The following YTHDF2 variants were observed in gnomAD, a reference collection of about 807,000 sequenced individuals.
YTHDF2 encodes YTH N6-methyladenosine RNA binding protein F2.
In YTHDF2, 2 loss-of-function variants were observed where a neutral mutation model predicts 50.4. That is an observed-to-expected ratio of 0.04 (90% CI 0.02 to 0.12). YTHDF2 has a LOEUF of 0.12. YTHDF2 is among the 10% of genes least tolerant of loss of function. The pLI is 1.00. For missense variants in YTHDF2, 483 were observed against 722.6 expected (o/e 0.67, Z 3.80); for synonymous variants, 217 against 255.6 (o/e 0.85, Z 1.44).
chr1:28,755,348 A>G (rs916535280), intron 4 of YTHDF2, among the ~76,000 whole-genome samples: 1 of 152,230 alleles, frequency 6.6e-6, no homozygotes, highest in Non-Finnish European at 1.5e-5. Flanking sequence ...TTCTTGTAAT[A>G]AGAATGGCTA....
Position 28,741,750 on chromosome 1 carries a change from G to A in YTHDF2, c.133-653G>A, listed in dbSNP as rs78912282. On this transcript the variant is annotated intron_variant, in intron 3 of 4. Coordinates refer to ENST00000373812, the MANE Select transcript of YTHDF2 (RefSeq NM_016258.3). Reference sequence around the variant, plus strand: ...GCTTTTTGGTTTATGATTGAGGAACGGCTGTACAGACATTTGGGCTAGAAC... The same window carrying A: ...GCTTTTTGGTTTATGATTGAGGAACAGCTGTACAGACATTTGGGCTAGAAC... Among the ~76,000 whole-genome samples the A allele has an allele frequency of 3.6e-3, 541 of 152,258 alleles. 2 individuals are homozygous for A. Among genetic ancestry groups the A allele is most frequent in the African/African-American group, 0.012 (512 of 41,542 alleles).
At chr1:28,740,075 C>T (rs1240774802) in intron 3 of YTHDF2, among the ~76,000 whole-genome samples, 3 of 152,148 alleles carry the variant, frequency 2.0e-5, no homozygotes. Flanking sequence ...AAATTTTCAA[C>T]ACTGAAAGTA....
At chr1:28,738,810 A>G (rs998359490) in intron 3 of YTHDF2, among the ~76,000 whole-genome samples, 5 of 152,046 alleles carry the variant, frequency 3.3e-5, no homozygotes, top group Admixed American at 3.3e-4. Context: ...CTGAGGGTTC[A>G]CCTCCTTAAT....
chr1:28,749,927 T>C (rs537906130), intron 4 of YTHDF2, among the ~76,000 whole-genome samples: 6 of 152,074 alleles, frequency 3.9e-5, no homozygotes, highest in Non-Finnish European at 8.8e-5. Context: ...ACCAGTAGGA[T>C]TTTTTGACTT....
intron 4 of YTHDF2, among the ~76,000 whole-genome samples, chr1:28,745,250 A>G (rs1172175431): frequency 6.6e-6 from 1 of 152,154 alleles, no homozygotes; most frequent in Non-Finnish European, 1.5e-5. Flanking sequence ...CATAGTTGTT[A>G]AAGTAGGGAT....
chr1:28,758,191 C>A (rs2088063166), intron 4 of YTHDF2, among the ~76,000 whole-genome samples: 3 of 152,128 alleles, frequency 2.0e-5, no homozygotes. Context: ...TGGAGACCAG[C>A]ATGGGCAAGC....
chr1:28,755,650 G>A (rs1359500722), intron 4 of YTHDF2, among the ~76,000 whole-genome samples: 1 of 152,112 alleles, frequency 6.6e-6, no homozygotes, highest in Non-Finnish European at 1.5e-5. Flanking sequence ...AATAAAGAGG[G>A]AGCAAGTGAA....
At chr1:28,745,273 A>G (rs1334650156) in intron 4 of YTHDF2, among the ~76,000 whole-genome samples, 5 of 152,158 alleles carry the variant, frequency 3.3e-5, no homozygotes, top group Non-Finnish European at 5.9e-5. Context: ...TTGCTATTTT[A>G]TCTTTCAGTG....
intron 4 of YTHDF2, among the ~76,000 whole-genome samples, chr1:28,750,576 A>C (rs2087935814): frequency 6.6e-6 from 1 of 152,152 alleles, no homozygotes; most frequent in African/African-American, 2.4e-5. Context: ...CCTTTGAAAC[A>C]GATCTTTTTA....
At chr1:28,751,110 A>AAAAAAAAAAAAT (rs1553144757) in intron 4 of YTHDF2, among the ~76,000 whole-genome samples, 1 of 144,498 alleles carries the variant, frequency 6.9e-6, no homozygotes, top group Non-Finnish European at 1.5e-5. Context: ...AAAAAAAAAA[A>AAAAAAAAAAAAT]GGCTGGGCGT....
chr1:28,760,547 G>A (rs1438780627), intron 4 of YTHDF2, among the ~76,000 whole-genome samples: 1 of 151,134 alleles, frequency 6.6e-6, no homozygotes, highest in Non-Finnish European at 1.5e-5. Flanking sequence ...CACCTGCCTC[G>A]GCCTCCCATG....
At chr1:28,766,943 C>T (rs1041296384) in intron 4 of YTHDF2, among the ~76,000 whole-genome samples, 2 of 151,672 alleles carry the variant, frequency 1.3e-5, no homozygotes, top group Admixed American at 1.3e-4. Context: ...AGCCATCCTC[C>T]CAGCTCACCC....
At chr1:28,747,758 G>A (rs983126603) in intron 4 of YTHDF2, among the ~76,000 whole-genome samples, 3 of 150,888 alleles carry the variant, frequency 2.0e-5, no homozygotes, top group Non-Finnish European at 4.4e-5. Flanking sequence ...GTTCTCAGCC[G>A]GTGAGCAAAC....
At chr1:28,753,444 A>T (rs1486764166) in intron 4 of YTHDF2, among the ~76,000 whole-genome samples, 1 of 142,984 alleles carries the variant, frequency 7.0e-6, no homozygotes, top group African/African-American at 2.5e-5. Context: ...GTTGCTCAGG[A>T]GGCTGAGACA....
At chr1:28,754,231 T>C (rs1173641816) in intron 4 of YTHDF2, among the ~76,000 whole-genome samples, 1 of 152,162 alleles carries the variant, frequency 6.6e-6, no homozygotes, top group Non-Finnish European at 1.5e-5. Flanking sequence ...AAGCAACTTA[T>C]CAAAACATCT....
Position 28,737,085 on chromosome 1 carries a change from T to TTCGCCGCCG in YTHDF2, c.-27_-19dup, listed in dbSNP as rs1215091863. On this transcript the variant is annotated 5_prime_UTR_variant, in exon 1 of 5. Coordinates refer to ENST00000373812, the MANE Select transcript of YTHDF2 (RefSeq NM_016258.3). ...GCCGCCGCCGCCGCGCTGAGGAGAGTTCGCCGCCGTCGCCGCCCGTGAGGA... is the reference window on the plus strand; with the variant it reads ...GCCGCCGCCGCCGCGCTGAGGAGAGTTCGCCGCCGTCGCCGCCGTCGCCGCCCGTGAGGA... The TTCGCCGCCG allele has an allele frequency of 2.5e-6, 4 of 1,582,282 alleles. No individual in the cohort carries two copies. Among genetic ancestry groups the TTCGCCGCCG allele is most frequent in the Admixed American group, 3.6e-5 (2 of 56,236 alleles).
intron 4 of YTHDF2, among the ~76,000 whole-genome samples, chr1:28,763,950 T>G (rs1332651485): frequency 1.1e-5 from 1 of 93,354 alleles, no homozygotes; most frequent in Non-Finnish European, 2.3e-5. Context: ...TTAAATTTAT[T>G]TATTTTATTT....
chr1:28,748,439 C>A (rs1557544046), intron 4 of YTHDF2, among the ~76,000 whole-genome samples: 1 of 152,056 alleles, frequency 6.6e-6, no homozygotes, highest in East Asian at 1.9e-4. Context: ...GGGTGGTAAC[C>A]CCATAAAGAA....
intron 2 of YTHDF2, 65 bp from the exon 3 acceptor site, chr1:28,738,194 A>T (rs893593384): frequency 1.5e-6 from 2 of 1,325,278 alleles, no homozygotes; most frequent in Non-Finnish European, 2.2e-6. Flanking sequence ...GTTAGCATAT[A>T]TGAACTAATT....
Sources: gnomAD v4.1 joint callset for allele counts (sites outside exome capture counted in the v4.1 genomes callset) on GRCh38, gnomAD v4.1.1 for gene constraint, MANE v1.5 for transcripts, NCBI Gene and HGNC (gene_info 2026-07-23, HGNC 2026-07-21) for gene names.